ATP9A: variants seen among roughly 807,000 people sequenced by gnomAD.
The protein encoded by ATP9A is ATPase phospholipid transporting 9A, also known as probable phospholipid-transporting ATPase IIA.
Under a neutral mutation model 144.1 loss-of-function variants are expected in ATP9A, and 52 were observed. The ratio of observed to expected loss-of-function variants is 0.36; its 90% confidence interval spans 0.29 to 0.45. The LOEUF (loss-of-function observed/expected upper bound fraction) is 0.45, where lower values mean the gene tolerates loss of function less well. Among genes scored for constraint, ATP9A ranks in the 20% least tolerant of loss-of-function variants. The pLI is 1.00. For synonymous variants in ATP9A, 582 were observed against 557.4 expected (o/e 1.04, Z -0.62); for missense variants, 947 against 1,392.7 (o/e 0.68, Z 5.09).
intron 1 of ATP9A, among the ~76,000 whole-genome samples, chr20:51,746,612 G>A (rs2077809342): frequency 6.6e-6 from 1 of 152,246 alleles, no homozygotes; most frequent in Non-Finnish European, 1.5e-5. Flanking sequence ...GGCCAAGACA[G>A]GCAGATCACG....
At chr20:51,637,950 T>TAC (rs1435977559) in intron 15 of ATP9A, among the ~76,000 whole-genome samples, 3 of 150,552 alleles carry the variant, frequency 2.0e-5, no homozygotes, top group African/African-American at 7.3e-5. Flanking sequence ...AGTGAGAACA[T>TAC]ACGACATTTG....
intron 27 of ATP9A, among the ~76,000 whole-genome samples, chr20:51,601,765 G>T (rs554218485): frequency 8.5e-5 from 13 of 152,210 alleles, no homozygotes; most frequent in African/African-American, 3.1e-4. Context: ...AACTAGCCAG[G>T]CATGGTGGTA....
chr20:51,751,790 G>A (rs983735770), intron 1 of ATP9A, among the ~76,000 whole-genome samples: 40 of 150,740 alleles, frequency 2.7e-4, no homozygotes, highest in Non-Finnish European at 3.1e-4. Context: ...GGGTTTCACC[G>A]TGTTAGCCAG....
intron 15 of ATP9A, 50 bp downstream of exon 15, chr20:51,639,288 ACGCAG>A: frequency 6.5e-7 from 1 of 1,531,872 alleles, no homozygotes; most frequent in Non-Finnish European, 8.9e-7. Flanking sequence ...ACAGGGACAC[ACGCAG>A]CACACCTGGG....
chr20:51,629,591 CA>C (rs1485338812), intron 15 of ATP9A, among the ~76,000 whole-genome samples: 1 of 152,214 alleles, frequency 6.6e-6, no homozygotes, highest in Non-Finnish European at 1.5e-5. Context: ...TCCATGGTGA[CA>C]ACCAGAATGT....
At chr20:51,622,197 C>A (rs1328134731) in intron 18 of ATP9A, 25 bp from the exon 19 acceptor site, 1 of 1,601,608 alleles carries the variant, frequency 6.2e-7, no homozygotes, top group Non-Finnish European at 8.6e-7. Context: ...TGACAGAGGT[C>A]CTGTTTATTA....
At chr20:51,756,286 TTTTTC>T (rs1288577929) in intron 1 of ATP9A, among the ~76,000 whole-genome samples, 8 of 151,622 alleles carry the variant, frequency 5.3e-5, no homozygotes, top group Non-Finnish European at 7.4e-5. Context: ...TCTTTTTTTT[TTTTTC>T]TTTCTTTCTT....
intron 14 of ATP9A, among the ~76,000 whole-genome samples, chr20:51,643,833 T>A (rs555821167): frequency 4.2e-4 from 64 of 152,252 alleles, no homozygotes; most frequent in African/African-American, 1.5e-3. Flanking sequence ...CAGTAATGAT[T>A]CGCATATATA....
rs143825497 is a variant in ATP9A at position 51,608,846 on chromosome 20, C to T, written c.2637-220G>A. Among the ~76,000 whole-genome samples, 4 of 151,246 alleles carry T rather than the reference C, an allele frequency of 2.6e-5. No individual in the cohort carries two copies. In the East Asian group the frequency reaches 5.8e-4, roughly 22 times the overall value. On this transcript the variant is annotated intron_variant, in intron 24 of 27. Transcript: ENST00000338821. ...TCATCCCGGTCAGCGAGTCAATAAACAAATAAATTAGGTAAACTCTATGTG... is the reference window on the plus strand; with the variant it reads ...TCATCCCGGTCAGCGAGTCAATAAATAAATAAATTAGGTAAACTCTATGTG...
intron 14 of ATP9A, among the ~76,000 whole-genome samples, chr20:51,646,190 C>CTT: frequency 6.6e-6 from 1 of 152,282 alleles, no homozygotes; most frequent in African/African-American, 2.4e-5. Context: ...CGTGAAAGGG[C>CTT]TTTTTCATCA....
rs2077914327 is a variant in ATP9A at position 51,768,240 on chromosome 20, G to A, written c.68+62C>T. ...CCAACCTGTCAGGCCCGGCCAGGCT[G>A]GCCCGAGCGCCGGGCTCCGGGAGGC... On this transcript the variant is annotated intron_variant, in intron 1 of 27. Coordinates refer to ENST00000338821, the MANE Select transcript of ATP9A (RefSeq NM_006045.3). The A allele has an allele frequency of 1.3e-5, 14 of 1,116,984 alleles. No homozygotes were observed. The South Asian group carries it at 4.9e-4, about 39-fold the overall frequency. 69.2% of individuals were successfully genotyped at this position (1,116,984 alleles called of 1,614,324 possible).
At chr20:51,674,066 T>C in intron 11 of ATP9A, 87 bp downstream of exon 11, 1 of 1,431,510 alleles carries the variant, frequency 7.0e-7, no homozygotes, top group Non-Finnish European at 9.4e-7. Flanking sequence ...ACAATAATAA[T>C]AATAAAAGCC....
Position 51,729,796 on chromosome 20 carries a change from G to C in ATP9A, c.213+38C>G, listed in dbSNP as rs1177790520. 6 of 1,515,588 alleles carry C rather than the reference G, an allele frequency of 4.0e-6. No homozygotes were observed. The African/African-American group carries it at 8.5e-5, about 21-fold the overall frequency. The allele number at this position is 1,515,588 out of a possible 1,614,324, so 93.9% of individuals were successfully genotyped here. ...CTGTACCAATGCATGTATTTGTGAT[G>C]GAAAAAAGAAAAGAGCACGGTCCCT... is the stretch of plus-strand genomic sequence containing the variant. On this transcript the variant is annotated intron_variant, in intron 2 of 27. Transcript: ENST00000338821.
chr20:51,647,453 A>AG (rs56986478), intron 14 of ATP9A, among the ~76,000 whole-genome samples: 3,184 of 152,264 alleles, frequency 0.021, 128 homozygotes, highest in African/African-American at 0.074. Flanking sequence ...CGGGAGGCTG[A>AG]GGCAGGAGAA....
intron 1 of ATP9A, among the ~76,000 whole-genome samples, chr20:51,752,825 G>A (rs1267821290): frequency 4.6e-5 from 7 of 152,148 alleles, no homozygotes; most frequent in African/African-American, 1.4e-4. Flanking sequence ...ACCTGTGGCC[G>A]GGTACAGTGT....
At chr20:51,765,852 G>T (rs2077901654) in intron 1 of ATP9A, among the ~76,000 whole-genome samples, 1 of 152,012 alleles carries the variant, frequency 6.6e-6, no homozygotes. Context: ...AGCTACTTGG[G>T]AAGCTGAGGC....
intron 13 of ATP9A, among the ~76,000 whole-genome samples, chr20:51,660,694 T>TA (rs1455347740): frequency 1.3e-5 from 2 of 152,232 alleles, no homozygotes; most frequent in African/African-American, 4.8e-5. Context: ...CATACATCCT[T>TA]AAGGCACTGA....
At chr20:51,710,459 A>G (rs191662136) in intron 4 of ATP9A, among the ~76,000 whole-genome samples, 91 of 152,328 alleles carry the variant, frequency 6.0e-4, no homozygotes, top group African/African-American at 2.2e-3. Context: ...AGGAAAGTCA[A>G]AAAAGGCTTC....
chr20:51,665,104 C>T (rs1044643328), intron 13 of ATP9A, among the ~76,000 whole-genome samples: 2 of 151,658 alleles, frequency 1.3e-5, no homozygotes, highest in Non-Finnish European at 2.9e-5. Context: ...CTGCTACAAC[C>T]GGAAGAACCT....
Sources: gnomAD v4.1 joint callset for allele counts (sites outside exome capture counted in the v4.1 genomes callset) on GRCh38, gnomAD v4.1.1 for gene constraint, MANE v1.5 for transcripts, NCBI Gene and HGNC (gene_info 2026-07-23, HGNC 2026-07-21) for gene names.